Variants in DUS4L observed in about 807,000 individuals in gnomAD.
DUS4L encodes dihydrouridine synthase 4 like.
DUS4L carries 31 observed loss-of-function variants against 33.8 expected under a neutral mutation model. That is an observed-to-expected ratio of 0.92 (90% CI 0.69 to 1.24). The LOEUF is 1.24. Among genes scored for constraint, DUS4L ranks in the 50% most tolerant of loss-of-function variants. The pLI, the probability that DUS4L is intolerant of heterozygous loss-of-function variation, is 0.00. For synonymous variants in DUS4L, 103 were observed against 120.3 expected (o/e 0.86, Z 0.94); for missense variants, 368 against 388.6 (o/e 0.95, Z 0.45).
chr7:107,578,303 T>C lies in DUS4L; in HGVS notation c.*743T>C, dbSNP rs2129199982. The C allele has an allele frequency of 6.6e-6, 1 of 152,314 alleles. No individual in the cohort carries two copies. The highest frequency in any genetic ancestry group is 1.5e-5 in the Non-Finnish European group (1 of 68,018). The allele number at this position is 152,314 out of a possible 1,614,324, so 9.4% of individuals were successfully genotyped here. A position where few individuals can be genotyped will look rare whatever the true frequency, so the allele number is the denominator to read the frequency against. On this transcript the variant is annotated 3_prime_UTR_variant, in exon 8 of 8. Transcript: ENST00000265720. ...TAATTACTTTTGTGCCTCTCAGCCG[T>C]TGATTGTAACTTTAAAGTCCCATGG...
chr7:107,565,528 T>G (rs1185506481), intron 2 of DUS4L, among the ~76,000 whole-genome samples: 1 of 152,076 alleles, frequency 6.6e-6, no homozygotes, highest in African/African-American at 2.4e-5. Flanking sequence ...AGCTACTGAT[T>G]GTTTTGTTTT....
chr7:107,570,933 T>A, intron 3 of DUS4L: 2 of 515,816 alleles, frequency 3.9e-6, no homozygotes, highest in South Asian at 4.4e-5. Context: ...CTAGCCTATC[T>A]GGACATCTTT....
intron 2 of DUS4L, among the ~76,000 whole-genome samples, chr7:107,565,871 T>G (rs1467642191): frequency 2.6e-5 from 4 of 152,226 alleles, no homozygotes; most frequent in African/African-American, 4.8e-5. Context: ...GCCTTCTGTA[T>G]GCCATTTACT....
intron 2 of DUS4L, among the ~76,000 whole-genome samples, chr7:107,565,063 G>A (rs766230648): frequency 1.3e-5 from 2 of 152,186 alleles, no homozygotes; most frequent in Non-Finnish European, 2.9e-5. Context: ...TCCCTAGTAT[G>A]TAAGATCTTA....
In DUS4L at chr7:107,577,196, A is replaced by G; in HGVS notation, c.707-117A>G. ...GATTAAACATATTAATGCAATAAAG[A>G]CATTACAAAACCTTGTGATAATACT... On this transcript the variant is annotated intron_variant, in intron 7 of 7. Coordinates refer to ENST00000265720, the MANE Select transcript of DUS4L (RefSeq NM_181581.3). The G allele has an allele frequency of 1.5e-6, 2 of 1,377,818 alleles. 1 individual carries two copies. The highest frequency in any genetic ancestry group is 2.9e-5 in the African/African-American group (2 of 68,770). The allele number at this position is 1,377,818 out of a possible 1,614,324, so 85.3% of individuals were successfully genotyped here. A position where few individuals can be genotyped will look rare whatever the true frequency, so the allele number is the denominator to read the frequency against.
Position 107,564,287 on chromosome 7 carries a change from G to C in DUS4L, c.-111+78G>C, listed in dbSNP as rs80122402. On this transcript the variant is annotated intron_variant, in intron 1 of 7. Transcript: ENST00000265720. ...TCAGAACAGGGGCCGCGCGGCGTAAGGCAGGAGAGCAGAGCGGAGGTTTCA... is the reference window on the plus strand; with the variant it reads ...TCAGAACAGGGGCCGCGCGGCGTAACGCAGGAGAGCAGAGCGGAGGTTTCA... 3.6e-3 allele frequency: 1,753 copies of C among 485,780 alleles called. 27 individuals are homozygous for C. Among genetic ancestry groups the C allele is most frequent in the African/African-American group, 0.032 (1,601 of 50,336 alleles). The allele number at this position is 485,780 out of a possible 1,614,324, so 30.1% of individuals were successfully genotyped here.
intron 3 of DUS4L, among the ~76,000 whole-genome samples, chr7:107,568,684 A>T (rs937868578): frequency 1.3e-5 from 2 of 152,228 alleles, no homozygotes; most frequent in African/African-American, 4.8e-5. Context: ...GAAGTCTAAC[A>T]TCAATTTTTC....
chr7:107,571,709 A>G (rs1328016655), intron 4 of DUS4L, among the ~76,000 whole-genome samples: 2 of 152,218 alleles, frequency 1.3e-5, no homozygotes, highest in Non-Finnish European at 2.9e-5. Flanking sequence ...TGGTCCAGCA[A>G]TCTGTGTTTT....
Position 107,571,243 on chromosome 7 carries a change from A to G in DUS4L, c.215A>G (p.Asp72Gly). ...TTTGTCAAATCTATAAAAGCCAGAG[A>G]CAGCGAATTTACCACAAATCAAGGT... ...ADFVKSIKAR[D>G]SEFTTNQGDC... Residue 72 changes from aspartate to glycine, a missense_variant, in exon 4 of 8, where the codon GAC becomes GGC. Transcript: ENST00000265720. 1.2e-6 allele frequency: 2 copies of G among 1,610,568 alleles called. No homozygotes were observed. The highest frequency in any genetic ancestry group is 1.7e-4 in the Middle Eastern group (1 of 6,042).
chr7:107,574,688 C>T (rs2129196570), intron 5 of DUS4L, among the ~76,000 whole-genome samples: 1 of 152,264 alleles, frequency 6.6e-6, no homozygotes, highest in South Asian at 2.1e-4. Flanking sequence ...ATCAGTAATT[C>T]AAAATGTGTC....
intron 5 of DUS4L, 89 bp from the exon 6 acceptor site, chr7:107,575,099 T>C (rs778042954): frequency 6.5e-7 from 1 of 1,548,274 alleles, no homozygotes; most frequent in South Asian, 1.2e-5. Context: ...ACTAGAGAAA[T>C]GGATGCACTT....
Position 107,576,534 on chromosome 7 carries a change from T to C in DUS4L, c.648T>C (p.Asn216=), listed in dbSNP as rs1805772581. The C allele has an allele frequency of 1.2e-6, 2 of 1,604,556 alleles. No individual in the cohort carries two copies. The highest frequency in any genetic ancestry group is 1.7e-6 in the Non-Finnish European group (2 of 1,176,544). ...KENMSIPVIA[N]GDIRSLKEAE... The stretch of plus-strand genomic sequence containing the variant: ...ATATGTCTATACCTGTAATTGCTAA[T>C]GGAGACATCAGAAGCTTAAAGGAAG... Residue 216 remains asparagine, a synonymous_variant, in exon 7 of 8, where the codon AAT becomes AAC. Transcript: ENST00000265720.
rs1805960132 is a variant in DUS4L, at chr7:107,578,328, G to A, written c.*768G>A. ...TTGATTGTAACTTTAAAGTCCCATG[G>A]TTTTGGAGTGTTATTAATAGATTTT... On this transcript the variant is annotated 3_prime_UTR_variant, in exon 8 of 8. Transcript: ENST00000265720. 1 of 151,962 alleles carries A rather than the reference G, an allele frequency of 6.6e-6. No homozygotes were observed. Among genetic ancestry groups the A allele is most frequent in the Non-Finnish European group, 1.5e-5 (1 of 68,004 alleles). The allele number at this position is 151,962 out of a possible 1,614,324, so 9.4% of individuals were successfully genotyped here.
At position 107,571,147 on chromosome 7, in the gene DUS4L, T is replaced by G; in HGVS notation, c.119T>G (p.Leu40Trp). ...ATTAAGGTTTTATATGCTCACAGGT[T>G]GGCTTTTAGGACACTAGTAAGAAAA... ...VCAPMVRYSK[L>W]AFRTLVRKYS... Residue 40 changes from leucine (L) to tryptophan (W), a missense_variant and splice_region_variant, in exon 4 of 8, where the codon TTG becomes TGG. By Grantham distance (61) the Leu-to-Trp change is moderately conservative. Coordinates refer to ENST00000265720, the MANE Select transcript of DUS4L (RefSeq NM_181581.3). 6.2e-7 allele frequency: 1 copy of G among 1,613,634 alleles called. No homozygotes were observed. Among genetic ancestry groups the G allele is most frequent in the Non-Finnish European group, 8.5e-7 (1 of 1,179,852 alleles).
In DUS4L at chr7:107,576,462, A is replaced by C. The variant is rs754146619; in HGVS notation, c.576A>C (p.Glu192Asp). ...CAGTCCATGGAAGAACTGCTGAAGAAAGACATCAGCCAGTGCACTATGATT... is the reference window on the plus strand; with the variant it reads ...CAGTCCATGGAAGAACTGCTGAAGACAGACATCAGCCAGTGCACTATGATT... ...WITVHGRTAE[E>D]RHQPVHYDSI... Residue 192 changes from glutamate to aspartate, a missense_variant, in exon 7 of 8, where the codon GAA becomes GAC. Physicochemically the swap from Glu to Asp is conservative, Grantham distance 45 (BLOSUM62 2). Transcript: ENST00000265720. 6.2e-7 allele frequency: 1 copy of C among 1,612,770 alleles called. No homozygotes were observed. The highest frequency in any genetic ancestry group is 8.5e-7 in the Non-Finnish European group (1 of 1,179,764).
intron 7 of DUS4L, 163 bp from the exon 8 acceptor site, chr7:107,577,150 A>C: frequency 9.9e-7 from 1 of 1,005,452 alleles, no homozygotes; most frequent in Admixed American, 2.9e-5. Flanking sequence ...AAAGGTACCA[A>C]AATTAATTCT....
chr7:107,567,096 C>A lies in DUS4L; in HGVS notation c.26C>A (p.Thr9Lys). 6.2e-7 allele frequency: 1 copy of A among 1,613,232 alleles called. No individual in the cohort carries two copies. Among genetic ancestry groups the A allele is most frequent in the Non-Finnish European group, 8.5e-7 (1 of 1,179,534 alleles). Residue 9 changes from threonine to lysine, a missense_variant, in exon 3 of 8, where the codon ACA becomes AAA. Transcript: ENST00000265720. MKSDCMQTTICQERKKDPI... is the reference protein window; with the variant it reads MKSDCMQTKICQERKKDPI... ...ATGAAGAGTGACTGCATGCAAACGA[C>A]AATATGTCAGGAAAGAAAAAAAGAT... is the stretch of plus-strand genomic sequence containing the variant.
chr7:107,570,853 C>G (rs529181849), intron 3 of DUS4L: 1 of 295,446 alleles, frequency 3.4e-6, no homozygotes, highest in Non-Finnish European at 6.3e-6. Flanking sequence ...TTCTTCAAGT[C>G]TAGGATATTT....
chr7:107,575,569 T>C (rs1805650243), intron 6 of DUS4L: 1 of 262,334 alleles, frequency 3.8e-6, no homozygotes, highest in Non-Finnish European at 7.0e-6. Context: ...ACTTTAGCTA[T>C]GTAGTATTTA....
Sources: allele counts gnomAD v4.1 joint callset (sites outside exome capture counted in the v4.1 genomes callset), GRCh38; gene constraint gnomAD v4.1.1; transcripts MANE v1.5; gene names NCBI Gene and HGNC (gene_info 2026-07-23, HGNC 2026-07-21).